The following HMCN1 variants were observed in gnomAD, a reference collection of about 807,000 sequenced individuals.
The protein encoded by HMCN1 is hemicentin-1.
In HMCN1, 321 loss-of-function variants were observed where a neutral mutation model predicts 625.9. The observed-to-expected ratio is 0.51, with a 90% confidence interval of 0.47 to 0.56. The LOEUF (loss-of-function observed/expected upper bound fraction) is 0.56, where lower values mean the gene tolerates loss of function less well. Among genes scored for constraint, HMCN1 ranks in the 20% least tolerant of loss-of-function variants. The pLI is 0.00. For synonymous variants in HMCN1, 2,425 were observed against 2,417.6 expected (o/e 1.00, Z -0.09); for missense variants, 6,588 against 6,887.3 (o/e 0.96, Z 1.54).
chr1:186,071,763 C>A (rs75006018), intron 52 of HMCN1, among the ~76,000 whole-genome samples: 2,542 of 152,294 alleles, frequency 0.017, 65 homozygotes, highest in African/African-American at 0.058. Context: ...ATAGAATTCC[C>A]ACCATGCTCC....
At chr1:185,806,892 G>A (rs372868585) in intron 1 of HMCN1, among the ~76,000 whole-genome samples, 19 of 152,098 alleles carry the variant, frequency 1.2e-4, no homozygotes, top group Middle Eastern at 3.4e-3. Flanking sequence ...GTTATGAAAG[G>A]CTTTCCATCC....
rs146935141 is a variant in HMCN1, at chr1:186,125,734, T to C, written c.12630T>C (p.Ala4210=). The C allele has an allele frequency of 6.9e-4, 1,107 of 1,613,448 alleles. 9 individuals carry two copies. In the African/African-American group the frequency reaches 0.013, roughly 19 times the overall value. ...INWKKDNVLL[A]NLLGKYTAEP... ...GGAAAAAAGACAATGTTCTTTTAGC[T>C]AACTTGTTAGGAAAATACACTGCTG... The change falls in exon 82 of 107, where the codon GCT becomes GCC. Residue 4210 remains alanine, a synonymous_variant. Coordinates refer to ENST00000271588, the MANE Select transcript of HMCN1 (RefSeq NM_031935.3).
chr1:185,898,470 C>CT (rs139267865), intron 4 of HMCN1, among the ~76,000 whole-genome samples: 9,813 of 151,352 alleles, frequency 0.065, 1,090 homozygotes, highest in African/African-American at 0.23. Context: ...TGTAAGCAGA[C>CT]TTTTTTTTTA....
At chr1:185,962,946 G>A (rs1650134873) in intron 12 of HMCN1, among the ~76,000 whole-genome samples, 1 of 152,100 alleles carries the variant, frequency 6.6e-6, no homozygotes, top group South Asian at 2.1e-4. Context: ...TAATTGAAAC[G>A]AGGGTAATAA....
chr1:186,138,131 AT>A (rs1649734825), intron 89 of HMCN1, among the ~76,000 whole-genome samples, 159 bp downstream of exon 89: 1 of 152,196 alleles, frequency 6.6e-6, no homozygotes, highest in African/African-American at 2.4e-5. Flanking sequence ...TCTTTCATGG[AT>A]AAACTTGTAA....
Position 186,118,171 on chromosome 1 carries a change from G to GA in HMCN1, c.11848+557dup, listed in dbSNP as rs59877211. On this transcript the variant is annotated intron_variant, in intron 77 of 106. Transcript: ENST00000271588. ...CATTTATACAATTTATAGTATTGAA[G>GA]AAAAAAAAATCACCTAAAGTATAGG... Among the ~76,000 whole-genome samples the GA allele has an allele frequency of 1.1e-4, 16 of 151,092 alleles. No homozygotes were observed. The South Asian group carries it at 1.7e-3, about 16-fold the overall frequency.
chr1:185,847,772 T>G (rs1231589337), intron 2 of HMCN1, among the ~76,000 whole-genome samples: 2 of 151,940 alleles, frequency 1.3e-5, no homozygotes, highest in Non-Finnish European at 2.9e-5. Flanking sequence ...GGGCGCATAG[T>G]GAGACCCTGT....
intron 97 of HMCN1, among the ~76,000 whole-genome samples, chr1:186,156,639 T>C (rs1651038040): frequency 6.6e-6 from 1 of 152,216 alleles, no homozygotes; most frequent in Non-Finnish European, 1.5e-5. Context: ...TTATCTCATT[T>C]TGGGAGCCTG....
intron 14 of HMCN1, among the ~76,000 whole-genome samples, chr1:185,967,927 A>G (rs1165892168): frequency 6.6e-6 from 1 of 152,240 alleles, no homozygotes; most frequent in African/African-American, 2.4e-5. Flanking sequence ...AAGGAATTCC[A>G]TAAGCACAAA....
chr1:186,038,816 C>T lies in HMCN1; in HGVS notation c.5852-13C>T, dbSNP rs754895279. 76 of 1,568,192 alleles carry T rather than the reference C, an allele frequency of 4.8e-5. No homozygotes were observed. Among genetic ancestry groups the T allele is most frequent in the Non-Finnish European group, 5.9e-5 (67 of 1,138,586 alleles). The stretch of plus-strand genomic sequence containing the variant: ...ATTTTTACATAGATCATCTTCTCCC[C>T]TTCTTCTTTCAGTTATTACATGGTA... On this transcript the variant is annotated splice_polypyrimidine_tract_variant and intron_variant, in intron 37 of 106. Coordinates refer to ENST00000271588, the MANE Select transcript of HMCN1 (RefSeq NM_031935.3).
At chr1:186,085,657 A>G (rs1319575711) in intron 57 of HMCN1, among the ~76,000 whole-genome samples, 1 of 152,114 alleles carries the variant, frequency 6.6e-6, no homozygotes, top group East Asian at 1.9e-4. Context: ...CAGGGAAAAG[A>G]GAAAGCATAT....
chr1:186,153,801 T>A lies in HMCN1; in HGVS notation c.15070T>A (p.Ser5024Thr). 1 of 1,614,204 alleles carries A rather than the reference T, an allele frequency of 6.2e-7. No individual in the cohort carries two copies. The highest frequency in any genetic ancestry group is 1.1e-5 in the South Asian group (1 of 91,084). Residue 5024 changes from serine (S) to threonine (T), a missense_variant, in exon 97 of 107, where the codon TCA (serine) becomes ACA (threonine). By Grantham distance (58) the Ser-to-Thr change is moderately conservative. Transcript: ENST00000271588. Reference protein sequence around the residue: ...QTGPGQLYAYSTRLFTIDGIS... With the variant: ...QTGPGQLYAYTTRLFTIDGIS... ...AGGTCCTGGGCAGCTGTACGCCTACTCAACCCGGCTGTTCACCATTGATGG... is the reference window on the plus strand; with the variant it reads ...AGGTCCTGGGCAGCTGTACGCCTACACAACCCGGCTGTTCACCATTGATGG...
At chr1:185,870,656 G>A (rs1663555276) in intron 4 of HMCN1, among the ~76,000 whole-genome samples, 1 of 152,118 alleles carries the variant, frequency 6.6e-6, no homozygotes, top group Non-Finnish European at 1.5e-5. Context: ...AGCACATTAT[G>A]GACAGTGGGG....
intron 2 of HMCN1, among the ~76,000 whole-genome samples, chr1:185,860,337 A>G (rs1662790315): frequency 6.6e-6 from 1 of 152,176 alleles, no homozygotes; most frequent in Non-Finnish European, 1.5e-5. Flanking sequence ...GGGGCAGAAT[A>G]GTCATTTTTA....
intron 2 of HMCN1, among the ~76,000 whole-genome samples, chr1:185,856,663 A>G (rs1662487140): frequency 1.3e-5 from 2 of 152,158 alleles, no homozygotes; most frequent in Non-Finnish European, 2.9e-5. Context: ...GGTTATACTC[A>G]TGTTAGAATA....
chr1:186,144,190 G>T lies in HMCN1; in HGVS notation c.13942G>T (p.Ala4648Ser), dbSNP rs367723447. The change falls in exon 90 of 107, where the codon GCT becomes TCT. Residue 4648 changes from alanine to serine, a missense_variant. Coordinates refer to ENST00000271588, the MANE Select transcript of HMCN1 (RefSeq NM_031935.3). Reference protein sequence around the residue: ...RPCPVHGAWSAWQPWGTCSES... With the variant: ...RPCPVHGAWSSWQPWGTCSES... ...GTTTGCAGTTCATGGAGCATGGAGCGCTTGGCAGCCTTGGGGAACATGCAG... is the reference window on the plus strand; with the variant it reads ...GTTTGCAGTTCATGGAGCATGGAGCTCTTGGCAGCCTTGGGGAACATGCAG... 1.6e-5 allele frequency: 25 copies of T among 1,607,376 alleles called. No individual in the cohort carries two copies. The highest frequency in any genetic ancestry group is 2.1e-5 in the Non-Finnish European group (25 of 1,176,552).
intron 68 of HMCN1, among the ~76,000 whole-genome samples, chr1:186,096,410 T>C (rs1660142775): frequency 6.6e-6 from 1 of 152,172 alleles, no homozygotes; most frequent in Non-Finnish European, 1.5e-5. Flanking sequence ...AGACTATTAA[T>C]GTGTTATTTG....
At chr1:186,116,295 T>C (rs1364610449) in intron 75 of HMCN1, among the ~76,000 whole-genome samples, 1 of 152,132 alleles carries the variant, frequency 6.6e-6, no homozygotes, top group African/African-American at 2.4e-5. Context: ...TGAAATCAAA[T>C]AGATATTCTA....
chr1:185,933,420 G>A (rs1571579233), intron 10 of HMCN1, 129 bp from the exon 11 acceptor site: 6 of 872,356 alleles, frequency 6.9e-6, no homozygotes, highest in African/African-American at 6.6e-5. Context: ...CATTAATTGA[G>A]TAAGTTCTGT....
Sources: allele counts gnomAD v4.1 joint callset (sites outside exome capture counted in the v4.1 genomes callset), GRCh38; gene constraint gnomAD v4.1.1; transcripts MANE v1.5; gene names NCBI Gene and HGNC (gene_info 2026-07-23, HGNC 2026-07-21).